Variants in TTC3 observed in about 807,000 individuals in gnomAD.
TTC3 encodes tetratricopeptide repeat domain 3.
A neutral mutation model predicts 249.6 loss-of-function variants in TTC3; 180 were observed. That is an observed-to-expected ratio of 0.72 (90% CI 0.64 to 0.82). TTC3 has a LOEUF of 0.82. Among genes scored for constraint, TTC3 ranks in the 40% least tolerant of loss-of-function variants. TTC3 has a pLI of 0.00. For synonymous variants in TTC3, 717 were observed against 805.0 expected, an observed-to-expected ratio of 0.89 and a Z score of 1.85; for missense variants, 2,061 against 2,398.4, an observed-to-expected ratio of 0.86 and a Z score of 2.94.
At chr21:37,133,094 TTAAC>T (rs2077613549) in intron 17 of TTC3, among the ~76,000 whole-genome samples, 1 of 152,210 alleles carries the variant, frequency 6.6e-6, no homozygotes, top group Non-Finnish European at 1.5e-5. Context: ...AGCTAGAGGT[TTAAC>T]TAATGATTAG....
intron 1 of TTC3, among the ~76,000 whole-genome samples, chr21:37,079,830 G>A (rs925480811): frequency 2.6e-5 from 4 of 151,818 alleles, no homozygotes; most frequent in Admixed American, 2.6e-4. Flanking sequence ...CACCGCTCGT[G>A]GTATGGCATT....
intron 41 of TTC3, 51 bp from the exon 42 acceptor site, chr21:37,195,624 A>G (rs751389503): frequency 2.6e-6 from 4 of 1,532,218 alleles, no homozygotes; most frequent in Admixed American, 2.1e-5. Context: ...TGGGCGTTTC[A>G]TCCTTCAAGG....
At chr21:37,099,628 A>G (rs762752495) in intron 10 of TTC3, among the ~76,000 whole-genome samples, 12 of 152,272 alleles carry the variant, frequency 7.9e-5, no homozygotes, top group Non-Finnish European at 1.6e-4. Flanking sequence ...CATCAGATGG[A>G]CAAAAGCTTA....
exon 33 of TTC3, chr21:37,166,259 T>C (rs776670568): frequency 9.3e-6 from 15 of 1,614,072 alleles, no homozygotes; most frequent in Admixed American, 5.0e-5. Context: ...CACCAGCATA[T>C]ATACACCCTT....
exon 23 of TTC3, chr21:37,148,630 A>G: frequency 5.0e-6 from 8 of 1,595,162 alleles, no homozygotes; most frequent in Non-Finnish European, 6.8e-6. Flanking sequence ...TACAACCTTT[A>G]ATGATAAAAT....
chr21:37,194,110 CTG>C (rs1240932062), intron 41 of TTC3, among the ~76,000 whole-genome samples: 1 of 152,202 alleles, frequency 6.6e-6, no homozygotes, highest in Non-Finnish European at 1.5e-5. Context: ...CTTCTCTAAG[CTG>C]TGTTACAGCA....
intron 11 of TTC3, among the ~76,000 whole-genome samples, chr21:37,108,984 G>A (rs1258042803): frequency 1.3e-5 from 2 of 152,136 alleles, no homozygotes; most frequent in Admixed American, 1.3e-4. Context: ...AAGTAAATAA[G>A]AAACCCCGTA....
intron 35 of TTC3, among the ~76,000 whole-genome samples, chr21:37,179,913 A>G (rs2082603456): frequency 6.6e-6 from 1 of 152,222 alleles, no homozygotes; most frequent in Non-Finnish European, 1.5e-5. Context: ...GCTGCATTTA[A>G]TGAATTGTGT....
At chr21:37,097,423 T>G (rs4817848) in intron 10 of TTC3, among the ~76,000 whole-genome samples, 99,960 of 151,974 alleles carry the variant, frequency 0.66, 33,135 homozygotes, top group Admixed American at 0.69. Flanking sequence ...ATATTCAAAA[T>G]AAAACAAACC....
intron 1 of TTC3, chr21:37,083,302 G>A (rs954758786): frequency 3.0e-6 from 3 of 985,334 alleles, no homozygotes; most frequent in African/African-American, 3.5e-5. Context: ...GATCACAAAA[G>A]GTCTTCTATG....
At chr21:37,088,021 T>G in intron 3 of TTC3, 146 bp downstream of exon 3, 1 of 958,806 alleles carries the variant, frequency 1.0e-6, no homozygotes, top group Non-Finnish European at 1.5e-6. Context: ...AACTTTTCTT[T>G]GTTAAAATAG....
At chr21:37,163,912 G>T (rs774028794) in intron 31 of TTC3, 139 bp from the exon 32 acceptor site, 3 of 819,760 alleles carry the variant, frequency 3.7e-6, no homozygotes, top group Non-Finnish European at 5.3e-6. Context: ...AAGTTCCCTG[G>T]TGCTATTTTT....
intron 16 of TTC3, among the ~76,000 whole-genome samples, chr21:37,130,953 A>G (rs912365369): frequency 1.3e-5 from 2 of 152,186 alleles, no homozygotes; most frequent in African/African-American, 4.8e-5. Flanking sequence ...GGGATATGTA[A>G]TTTTATCTTT....
chr21:37,083,271 T>TGGGG, intron 1 of TTC3: 3 of 985,380 alleles, frequency 3.0e-6, no homozygotes, highest in Non-Finnish European at 3.6e-6. Flanking sequence ...GTGGAGTGAC[T>TGGGG]GGGGATAAAA....
Position 37,182,778 on chromosome 21 carries a change from C to CA in TTC3, c.4625dup (p.Thr1543AspfsTer15). The CA allele has an allele frequency of 6.3e-7, 1 of 1,580,774 alleles. No homozygotes were observed. Among genetic ancestry groups the CA allele is most frequent in the South Asian group, 1.2e-5 (1 of 84,806 alleles). The stretch of plus-strand genomic sequence containing the variant: ...GTACTTTCTAAATGTTTTTAGATCT[C>CA]AAAGACGGAATTAGATTGGTTCCTT... On this transcript the variant is annotated frameshift_variant, in exon 36 of 46. Coordinates refer to ENST00000355666, the Ensembl canonical transcript of TTC3. LOFTEE classifies it high-confidence loss of function.
Position 37,123,865 on chromosome 21 carries a change from C to T in TTC3, c.1110-754C>T, listed in dbSNP as rs973730028. ...CCGGGTTCAAGCGATTCTCCTGCCT[C>T]AGCCTCTTGAGTAGCTGGGGCCACA... is the stretch of plus-strand genomic sequence containing the variant. On this transcript the variant is annotated intron_variant, in intron 13 of 45. Transcript: ENST00000355666. Among the ~76,000 whole-genome samples the T allele has an allele frequency of 6.6e-5, 10 of 151,918 alleles. 1 individual carries two copies. The highest frequency in any genetic ancestry group is 2.0e-4 in the Admixed American group (3 of 15,248).
chr21:37,123,841 C>T lies in TTC3; in HGVS notation c.1110-778C>T, dbSNP rs556852955. Among the ~76,000 whole-genome samples the T allele has an allele frequency of 1.5e-3, 234 of 151,708 alleles. 2 individuals are homozygous for T. The highest frequency in any genetic ancestry group is 5.1e-3 in the African/African-American group (210 of 41,348). On this transcript the variant is annotated intron_variant, in intron 13 of 45. Transcript: ENST00000355666. Reference sequence around the variant, plus strand: ...TCGGCTCACTGCAACCTCTGCCTCCCGGGTTCAAGCGATTCTCCTGCCTCA... The same window carrying T: ...TCGGCTCACTGCAACCTCTGCCTCCTGGGTTCAAGCGATTCTCCTGCCTCA...
Position 37,156,920 on chromosome 21 carries a change from G to A in TTC3, c.2992+14G>A. 1 of 1,607,782 alleles carries A rather than the reference G, an allele frequency of 6.2e-7. No individual in the cohort carries two copies. Among genetic ancestry groups the A allele is most frequent in the Non-Finnish European group, 8.5e-7 (1 of 1,177,520 alleles). ...TTGATATAATGGGTATGTGGACTGA[G>A]TTTAGACTTATATTACATTTAATCT... On this transcript the variant is annotated intron_variant, in intron 28 of 45. Coordinates refer to ENST00000355666, the Ensembl canonical transcript of TTC3.
At chr21:37,106,847 G>A (rs550926616) in intron 10 of TTC3, among the ~76,000 whole-genome samples, 133 of 152,246 alleles carry the variant, frequency 8.7e-4, no homozygotes, top group African/African-American at 2.9e-3. Flanking sequence ...TAGTGAGAGG[G>A]ACTGGCACTG....
Sources: gnomAD v4.1 joint callset for allele counts (sites outside exome capture counted in the v4.1 genomes callset) on GRCh38, gnomAD v4.1.1 for gene constraint, MANE v1.5 for transcripts, NCBI Gene and HGNC (gene_info 2026-07-23, HGNC 2026-07-21) for gene names.